POLRMT: variants seen among roughly 807,000 people sequenced by gnomAD.
POLRMT encodes the protein RNA polymerase mitochondrial, also known as DNA-directed RNA polymerase, mitochondrial.
A neutral mutation model predicts 132.2 loss-of-function variants in POLRMT; 114 were observed. The ratio of observed to expected loss-of-function variants is 0.86; its 90% CI spans 0.74 to 1.01. The LOEUF (loss-of-function observed/expected upper bound fraction) is 1.01, where lower values mean the gene tolerates loss of function less well. Among genes scored for constraint, POLRMT ranks in the 50% least tolerant of loss-of-function variants. The pLI, the probability that POLRMT is intolerant of heterozygous loss-of-function variation, is 0.00. For synonymous variants in POLRMT, 1,020 were observed against 773.4 expected, an observed-to-expected ratio of 1.32 and a Z score of -5.29; for missense variants, 2,003 against 1,729.1, an observed-to-expected ratio of 1.16 and a Z score of -2.81.
intron 3 of POLRMT, 22 bp from the exon 4 acceptor site, chr19:625,276 AG>A: frequency 6.2e-7 from 1 of 1,613,038 alleles, no homozygotes; most frequent in Non-Finnish European, 8.5e-7. Context: ...AGCCAGGGTG[AG>A]GGTCTGGGGG....
chr19:624,624 G>C, intron 5 of POLRMT, 95 bp downstream of exon 5: 1 of 1,387,192 alleles, frequency 7.2e-7, no homozygotes. Flanking sequence ...TGAGCCCTGG[G>C]CACCGGGGAG....
chr19:622,501 TG>T, intron 8 of POLRMT, 80 bp downstream of exon 8: 2 of 1,490,920 alleles, frequency 1.3e-6, no homozygotes, highest in Non-Finnish European at 1.8e-6. Flanking sequence ...GAAGCTTGGG[TG>T]CAAACCCGGC....
chr19:630,330 G>C (rs1051220701), intron 2 of POLRMT, among the ~76,000 whole-genome samples, 162 bp from the exon 3 acceptor site: 3 of 152,048 alleles, frequency 2.0e-5, no homozygotes, highest in Non-Finnish European at 4.4e-5. Context: ...AGGTCTGCCC[G>C]CTGCTTTCCA....
Position 618,541 on chromosome 19 carries a change from G to A in POLRMT, c.3369C>T (p.Phe1123=), listed in dbSNP as rs756766243. ...RKQKNGFPPN[F]IHSLDSSHMM... ...TGTGGGAGGAGTCCAGCGAGTGGAT[G>A]AAGTTGGGCGGGAAGCCGTTCTTCT... is the stretch of plus-strand genomic sequence containing the variant. Residue 1123 remains phenylalanine, a synonymous_variant, in exon 17 of 21, where the codon TTC becomes TTT. Coordinates refer to ENST00000588649, the MANE Select transcript of POLRMT (RefSeq NM_005035.4). 1.9e-6 allele frequency: 3 copies of A among 1,613,412 alleles called. No individual in the cohort carries two copies. Among genetic ancestry groups the A allele is most frequent in the South Asian group, 2.2e-5 (2 of 91,010 alleles).
rs146894577 is a variant in POLRMT at position 621,059 on chromosome 19, G to C, written c.2639C>G (p.Thr880Arg). The C allele has an allele frequency of 1.6e-5, 25 of 1,602,676 alleles. 1 individual carries two copies. The highest frequency in any genetic ancestry group is 2.0e-5 in the Non-Finnish European group (24 of 1,175,956). Residue 880 changes from threonine (T) to arginine (R), a missense_variant and splice_region_variant, in exon 10 of 21, where the codon ACG becomes AGG. Thr to Arg is a moderately conservative substitution (Grantham distance 71). Coordinates refer to ENST00000588649, the MANE Select transcript of POLRMT (RefSeq NM_005035.4). ...DILDSADQPL[T>R]GRKWWMGAEE... ...GGAATGCGGGGGCCCCGCCCCTACC[G>C]TCAAGGGTTGGTCCGCGGAGTCCAG...
In POLRMT at chr19:619,641, T is replaced by C; in HGVS notation, c.3011A>G (p.Tyr1004Cys). 1.2e-6 allele frequency: 2 copies of C among 1,610,832 alleles called. No homozygotes were observed. Among genetic ancestry groups the C allele is most frequent in the Non-Finnish European group, 8.5e-7 (1 of 1,179,650 alleles). The part of the protein sequence containing the change: ...VMTVVYGVTR[Y>C]GGRLQIEKRL... Reference sequence around the variant, plus strand: ...CTTCTCAATCTGCAGGCGCCCGCCATAGCGCGTGACCCCGTACACCACCGT... The same window carrying C: ...CTTCTCAATCTGCAGGCGCCCGCCACAGCGCGTGACCCCGTACACCACCGT... Residue 1004 changes from tyrosine (Y) to cysteine (C), a missense_variant, in exon 13 of 21, where the codon TAT becomes TGT. Physicochemically the swap from Tyr to Cys is radical, Grantham distance 194. Transcript: ENST00000588649.
chr19:617,876 G>C lies in POLRMT; in HGVS notation c.3423-27C>G, dbSNP rs1287291016. ...TGTGGCAGAGCGGAGGACTCCTGAA[G>C]GGAGGGGAGCTCACAGGGCCACCCA... On this transcript the variant is annotated intron_variant, in intron 17 of 20. Coordinates refer to ENST00000588649, the MANE Select transcript of POLRMT (RefSeq NM_005035.4). The C allele has an allele frequency of 7.5e-6, 12 of 1,609,410 alleles. No individual in the cohort carries two copies. In the Middle Eastern group the frequency reaches 1.6e-3, roughly 221 times the overall value.
intron 2 of POLRMT, among the ~76,000 whole-genome samples, chr19:630,377 C>T (rs1475376362): frequency 1.3e-5 from 2 of 152,196 alleles, no homozygotes; most frequent in Admixed American, 1.3e-4. Context: ...CCTCCCCACC[C>T]GAGCCTCACA....
intron 2 of POLRMT, among the ~76,000 whole-genome samples, chr19:631,337 AAG>A (rs1491341239): frequency 1.1e-4 from 12 of 108,956 alleles, no homozygotes; most frequent in Non-Finnish European, 2.1e-4. Context: ...CAAAAAAAAA[AAG>A]GGGGGGGGGG....
chr19:623,666 C>T, intron 5 of POLRMT, 63 bp from the exon 6 acceptor site: 1 of 1,576,698 alleles, frequency 6.3e-7, no homozygotes, highest in South Asian at 1.1e-5. Context: ...TCCCAGGACC[C>T]CGAGACAGCA....
At chr19:628,131 G>C (rs1985155174) in intron 3 of POLRMT, among the ~76,000 whole-genome samples, 1 of 152,152 alleles carries the variant, frequency 6.6e-6, no homozygotes, top group African/African-American at 2.4e-5. Context: ...GGCAGGAGGG[G>C]CCCCTGCTAG....
At chr19:632,535 C>T (rs1432510788) in intron 2 of POLRMT, among the ~76,000 whole-genome samples, 1 of 100,782 alleles carries the variant, frequency 9.9e-6, no homozygotes, top group Non-Finnish European at 2.1e-5. Context: ...GGCGGCGGGG[C>T]CGGGGGGGGG....
chr19:620,306 T>C, intron 11 of POLRMT, 59 bp downstream of exon 11: 34 of 1,489,420 alleles, frequency 2.3e-5, no homozygotes, highest in Non-Finnish European at 2.9e-5. Flanking sequence ...CACCCTCAAG[T>C]CGAGCCCCAG....
At chr19:632,372 G>A (rs976319240) in intron 2 of POLRMT, among the ~76,000 whole-genome samples, 4 of 152,206 alleles carry the variant, frequency 2.6e-5, no homozygotes, top group South Asian at 2.1e-4. Context: ...CCACCAGCCA[G>A]GCCAGGACGA....
chr19:631,121 T>A (rs1177165139), intron 2 of POLRMT, among the ~76,000 whole-genome samples: 1 of 151,632 alleles, frequency 6.6e-6, no homozygotes, highest in Non-Finnish European at 1.5e-5. Context: ...ATAGCGCCAT[T>A]GAACTCCAGC....
intron 17 of POLRMT, chr19:618,191 G>C: frequency 1.8e-6 from 1 of 547,436 alleles, no homozygotes; most frequent in Non-Finnish European, 3.3e-6. Flanking sequence ...AGATTCTGCT[G>C]GAACGACCTC....
rs192365414 is a variant in POLRMT, at chr19:633,048, A to G, written c.89-110T>C. 8 of 757,772 alleles carry G rather than the reference A, an allele frequency of 1.1e-5. No individual in the cohort carries two copies. In the Admixed American group the frequency reaches 2.1e-4, roughly 20 times the overall value. 46.9% of individuals were successfully genotyped at this position (757,772 alleles called of 1,614,324 possible). ...CAAAGGAGCCCTAAACGCAGCGGAA[A>G]CTCTCGGAGCACGGGCTTAAGTTGG... On this transcript the variant is annotated intron_variant, in intron 1 of 20. Coordinates refer to ENST00000588649, the MANE Select transcript of POLRMT (RefSeq NM_005035.4).
rs747162655 is a variant in POLRMT, at chr19:622,354, G to A, written c.1646C>T (p.Pro549Leu). 2.1e-5 allele frequency: 32 copies of A among 1,552,892 alleles called. No individual in the cohort carries two copies. The highest frequency in any genetic ancestry group is 2.7e-5 in the Non-Finnish European group (31 of 1,150,470). ...CCCCAGCTCCTCCCAGTACTGCCGCGGCAGGCAGGGCTCGGGCACCTGTAG... is the reference window on the plus strand; with the variant it reads ...CCCCAGCTCCTCCCAGTACTGCCGCAGCAGGCAGGGCTCGGGCACCTGTAG... The part of the protein sequence containing the change: ...SDAEVPEPCL[P>L]RQYWEELGAP... The change falls in exon 9 of 21, where the codon CCG becomes CTG. Residue 549 changes from proline to leucine, a missense_variant. Physicochemically the swap from Pro to Leu is moderately conservative, Grantham distance 98 (BLOSUM62 -3). Transcript: ENST00000588649.
rs1438995599 is a variant in POLRMT at position 633,054 on chromosome 19, G to A, written c.89-116C>T. 6 of 742,454 alleles carry A rather than the reference G, an allele frequency of 8.1e-6. No homozygotes were observed. In the East Asian group the frequency reaches 1.6e-4, roughly 20 times the overall value. The allele number at this position is 742,454 out of a possible 1,614,324, so 46.0% of individuals were successfully genotyped here. A position where few individuals can be genotyped will look rare whatever the true frequency, so the allele number is the denominator to read the frequency against. ...AGCCCTAAACGCAGCGGAAACTCTCGGAGCACGGGCTTAAGTTGGAAAGAA... is the reference window on the plus strand; with the variant it reads ...AGCCCTAAACGCAGCGGAAACTCTCAGAGCACGGGCTTAAGTTGGAAAGAA... On this transcript the variant is annotated intron_variant, in intron 1 of 20. Transcript: ENST00000588649.
Sources: allele counts gnomAD v4.1 joint callset (sites outside exome capture counted in the v4.1 genomes callset), GRCh38; gene constraint gnomAD v4.1.1; transcripts MANE v1.5; gene names NCBI Gene and HGNC (gene_info 2026-07-23, HGNC 2026-07-21).